Variants in OLA1 observed in about 807,000 individuals in gnomAD.
OLA1 encodes obg-like ATPase 1.
OLA1 carries 14 observed loss-of-function variants against 48.4 expected under a neutral mutation model. That is an observed-to-expected ratio of 0.29 (90% confidence interval 0.19 to 0.45). The LOEUF is 0.45. Ranked by LOEUF, OLA1 falls within the 20% of genes least tolerant of loss-of-function variation. The pLI, the probability that OLA1 is intolerant of heterozygous loss-of-function variation, is 1.00. For synonymous variants in OLA1, 127 were observed against 150.4 expected (o/e 0.84, Z 1.14); for missense variants, 325 against 467.1 (o/e 0.70, Z 2.80).
Position 174,246,269 on chromosome 2 carries a change from C to T in OLA1, c.101+446G>A, listed in dbSNP as rs182514641. On this transcript the variant is annotated intron_variant, in intron 2 of 10. Transcript: ENST00000284719. ...GAGTCAAGATCATGCCACTGCATTC[C>T]AGCCTGGGCGACAGAGTGAGACTCC... Among the ~76,000 whole-genome samples, 92 of 150,244 alleles carry T rather than the reference C, an allele frequency of 6.1e-4. 1 individual carries two copies. In the East Asian group the frequency reaches 0.017, roughly 28 times the overall value.
Position 174,189,191 on chromosome 2 carries a change from G to A in OLA1, c.373+33842C>T, listed in dbSNP as rs75780842. ...ATCTAGGTCTCAGTGCATATAAACT[G>A]TAAGTGGATTAGAGATTTACAAAGA... On this transcript the variant is annotated intron_variant, in intron 4 of 10. Transcript: ENST00000284719. 3.3e-3 allele frequency among the ~76,000 whole-genome samples: 504 copies of A among 152,148 alleles called. 10 individuals are homozygous for A. The East Asian group carries it at 0.044, about 13-fold the overall frequency.
chr2:174,122,916 G>A (rs1685949497), intron 7 of OLA1, among the ~76,000 whole-genome samples: 3 of 151,974 alleles, frequency 2.0e-5, no homozygotes, highest in African/African-American at 7.2e-5. Context: ...AAACGATAAT[G>A]TCTAATAAAC....
At chr2:174,132,496 T>C (rs1222189227) in intron 5 of OLA1, among the ~76,000 whole-genome samples, 2 of 152,146 alleles carry the variant, frequency 1.3e-5, no homozygotes, top group Non-Finnish European at 1.5e-5. Flanking sequence ...ACTAAATGTA[T>C]AGAACTTGAG....
intron 4 of OLA1, among the ~76,000 whole-genome samples, chr2:174,165,445 A>G (rs1687140039): frequency 6.6e-6 from 1 of 152,188 alleles, no homozygotes; most frequent in South Asian, 2.1e-4. Flanking sequence ...GCTAACAACA[A>G]TCTTTTTCAA....
intron 4 of OLA1, among the ~76,000 whole-genome samples, chr2:174,222,435 G>T (rs764613022): frequency 6.6e-6 from 1 of 151,958 alleles, no homozygotes; most frequent in Non-Finnish European, 1.5e-5. Flanking sequence ...GTACAGCCTT[G>T]ACCTAAGCCT....
intron 4 of OLA1, among the ~76,000 whole-genome samples, chr2:174,170,734 CA>C (rs1240345411): frequency 5.9e-5 from 9 of 152,102 alleles, no homozygotes; most frequent in Non-Finnish European, 1.3e-4. Flanking sequence ...CCCATTTCTA[CA>C]AAAACTTAAA....
chr2:174,188,435 T>C (rs565403860), intron 4 of OLA1, among the ~76,000 whole-genome samples: 5 of 152,168 alleles, frequency 3.3e-5, no homozygotes, highest in Admixed American at 1.3e-4. Context: ...AAATACAGCA[T>C]CATAGATGGA....
intron 5 of OLA1, among the ~76,000 whole-genome samples, chr2:174,140,980 G>A (rs1490655146): frequency 6.6e-6 from 1 of 151,820 alleles, no homozygotes; most frequent in East Asian, 1.9e-4. Context: ...TCACCAGGCT[G>A]GAGTGCAATG....
chr2:174,181,677 T>C (rs1687542199), intron 4 of OLA1, among the ~76,000 whole-genome samples: 1 of 152,164 alleles, frequency 6.6e-6, no homozygotes, highest in African/African-American at 2.4e-5. Context: ...TCACTCAGCT[T>C]CACGGCACTC....
At position 174,099,665 on chromosome 2, in the gene OLA1, T is replaced by C. The variant is rs181719722; in HGVS notation, c.729-17601A>G. On this transcript the variant is annotated intron_variant, in intron 7 of 10. Coordinates refer to ENST00000284719, the MANE Select transcript of OLA1 (RefSeq NM_013341.5). ...CAGACACATTGCCTTTATGTTTACC[T>C]ACTGTTTACATATAAATTAATTCAC... 1.2e-4 allele frequency among the ~76,000 whole-genome samples: 18 copies of C among 152,352 alleles called. No homozygotes were observed. The East Asian group carries it at 3.5e-3, about 29-fold the overall frequency.
intron 4 of OLA1, among the ~76,000 whole-genome samples, chr2:174,166,865 T>C (rs1574523105): frequency 1.3e-5 from 2 of 152,206 alleles, no homozygotes; most frequent in African/African-American, 4.8e-5. Flanking sequence ...TTAACTTTTT[T>C]AGGGTAATTT....
At chr2:174,176,706 G>C (rs139164243) in intron 4 of OLA1, among the ~76,000 whole-genome samples, 2 of 152,214 alleles carry the variant, frequency 1.3e-5, no homozygotes, top group East Asian at 1.9e-4. Context: ...CTTACACCTA[G>C]AGAGACAAAG....
intron 7 of OLA1, among the ~76,000 whole-genome samples, chr2:174,111,580 T>C (rs981115705): frequency 9.2e-5 from 14 of 152,190 alleles, no homozygotes; most frequent in Non-Finnish European, 1.8e-4. Flanking sequence ...GACCTGGATG[T>C]ACATGTACAT....
At chr2:174,196,266 A>G (rs1406032524) in intron 4 of OLA1, among the ~76,000 whole-genome samples, 1 of 152,146 alleles carries the variant, frequency 6.6e-6, no homozygotes, top group Non-Finnish European at 1.5e-5. Flanking sequence ...TAAAGTGATC[A>G]TGAATGTATC....
intron 7 of OLA1, among the ~76,000 whole-genome samples, chr2:174,107,326 T>C (rs1685537906): frequency 6.6e-6 from 1 of 152,154 alleles, no homozygotes; most frequent in Non-Finnish European, 1.5e-5. Context: ...GTCCACGCTC[T>C]ATTAGCCACA....
At chr2:174,086,361 T>C (rs1213472536) in intron 7 of OLA1, among the ~76,000 whole-genome samples, 1 of 152,134 alleles carries the variant, frequency 6.6e-6, no homozygotes, top group Non-Finnish European at 1.5e-5. Flanking sequence ...CTCTTATTCC[T>C]ATATGGACAC....
intron 7 of OLA1, among the ~76,000 whole-genome samples, chr2:174,094,509 A>G (rs945395100): frequency 2.6e-5 from 4 of 152,092 alleles, no homozygotes; most frequent in Non-Finnish European, 5.9e-5. Flanking sequence ...GCAGGGCTTA[A>G]CCTCCCCTCT....
At chr2:174,171,730 A>G (rs1687307249) in intron 4 of OLA1, among the ~76,000 whole-genome samples, 1 of 152,218 alleles carries the variant, frequency 6.6e-6, no homozygotes, top group Non-Finnish European at 1.5e-5. Context: ...ATTAAAACCA[A>G]ACAGGCGTTT....
At chr2:174,247,609 C>A in intron 1 of OLA1, 1 of 1,547,904 alleles carries the variant, frequency 6.5e-7, no homozygotes, top group Non-Finnish European at 8.7e-7. Context: ...CCTCTATAAT[C>A]TGGAATCTTA....
Sources: gnomAD v4.1 joint callset for allele counts (sites outside exome capture counted in the v4.1 genomes callset) on GRCh38, gnomAD v4.1.1 for gene constraint, MANE v1.5 for transcripts, NCBI Gene and HGNC (gene_info 2026-07-23, HGNC 2026-07-21) for gene names.